CGB5: variants seen among roughly 807,000 people sequenced by gnomAD.
CGB5 encodes the protein chorionic gonadotropin subunit beta 5.
Under a neutral mutation model 7.6 loss-of-function variants are expected in CGB5, and 2 were observed. The observed-to-expected ratio is 0.26, with a 90% CI of 0.11 to 0.83. The LOEUF (loss-of-function observed/expected upper bound fraction) is 0.83, where lower values mean the gene tolerates loss of function less well. CGB5 is among the 40% of genes least tolerant of loss of function. CGB5 has a pLI of 0.65. For synonymous variants in CGB5, 25 were observed against 99.8 expected, an observed-to-expected ratio of 0.25 and a Z score of 4.47; for missense variants, 48 against 228.2, an observed-to-expected ratio of 0.21 and a Z score of 5.09.
rs184839528 is a variant in CGB5 at position 49,045,297 on chromosome 19, G to T, written c.*3G>T. On this transcript the variant is annotated 3_prime_UTR_variant, in exon 3 of 3. Transcript: ENST00000301408. ...ACACCCCGATCCTCCCACAATAAAG[G>T]CTTCTCAATCCGCACTCTGGAGGTG... is the stretch of plus-strand genomic sequence containing the variant. 3.0e-3 allele frequency: 4,823 copies of T among 1,610,904 alleles called. 118 individuals carry two copies. The African/African-American group carries it at 0.056, about 19-fold the overall frequency.
At position 49,045,276 on chromosome 19, in the gene CGB5, C is replaced by A. The variant is rs906106914; in HGVS notation, c.480C>A (p.Thr160=). 3.7e-6 allele frequency: 6 copies of A among 1,609,572 alleles called. No individual in the cohort carries two copies. Among genetic ancestry groups the A allele is most frequent in the Non-Finnish European group, 5.1e-6 (6 of 1,178,892 alleles). ...SPSRLPGPSD[T]PILPQ ...CCCGACTCCCGGGGCCCTCGGACAC[C>A]CCGATCCTCCCACAATAAAGGCTTC... is the stretch of plus-strand genomic sequence containing the variant. Residue 160 remains threonine, a synonymous_variant, in exon 3 of 3, where the codon ACC becomes ACA. Transcript: ENST00000301408.
intron 1 of CGB5, 125 bp downstream of exon 1, chr19:49,044,349 C>G (rs948784850): frequency 3.7e-6 from 6 of 1,604,612 alleles, no homozygotes; most frequent in South Asian, 2.2e-5. Flanking sequence ...CCCCAGTAAG[C>G]TTCAGGTGGG....
chr19:49,044,377 G>T (rs187967583), intron 1 of CGB5, 153 bp downstream of exon 1: 15 of 983,096 alleles, frequency 1.5e-5, no homozygotes, highest in Non-Finnish European at 1.7e-5. Context: ...CTAAGGGTGG[G>T]GATCTGAAAT....
Position 49,044,168 on chromosome 19 carries a change from G to C in CGB5, c.-42G>C. On this transcript the variant is annotated 5_prime_UTR_variant, in exon 1 of 3. Coordinates refer to ENST00000301408, the MANE Select transcript of CGB5 (RefSeq NM_033043.2). ...GTGGCCTTGCCGCCCCCACAACCCC[G>C]AGGTATAAAGCCAGGTACACGAGGC... is the stretch of plus-strand genomic sequence containing the variant. The C allele has an allele frequency of 6.2e-7, 1 of 1,613,788 alleles. No individual in the cohort carries two copies. The highest frequency in any genetic ancestry group is 8.5e-7 in the Non-Finnish European group (1 of 1,179,864).
intron 2 of CGB5, 54 bp from the exon 3 acceptor site, chr19:49,044,926 G>C (rs1240875816): frequency 1.3e-6 from 2 of 1,591,900 alleles, no homozygotes; most frequent in Non-Finnish European, 1.7e-6. Context: ...GGGGAGCTCA[G>C]CTGAGGCGCT....
At position 49,045,168 on chromosome 19, in the gene CGB5, G is replaced by A. The variant is rs1469787056; in HGVS notation, c.372G>A (p.Lys124=). Residue 124 remains lysine (K), a synonymous_variant, in exon 3 of 3, where the codon AAG becomes AAA. Coordinates refer to ENST00000301408, the MANE Select transcript of CGB5 (RefSeq NM_033043.2). Reference sequence around the variant, plus strand: ...GCACCACTGACTGCGGGGGTCCCAAGGACCACCCCTTGACCTGTGATGACC... The same window carrying A: ...GCACCACTGACTGCGGGGGTCCCAAAGACCACCCCTTGACCTGTGATGACC... The part of the protein sequence containing the change: ...RRSTTDCGGP[K]DHPLTCDDPR... The A allele has an allele frequency of 1.9e-6, 3 of 1,556,334 alleles. No homozygotes were observed. Among genetic ancestry groups the A allele is most frequent in the Non-Finnish European group, 2.6e-6 (3 of 1,148,216 alleles).
intron 2 of CGB5, 100 bp downstream of exon 2, chr19:49,044,844 C>T (rs1340764651): frequency 1.1e-5 from 12 of 1,046,000 alleles, no homozygotes; most frequent in East Asian, 1.0e-4. Context: ...TCAGGGGCTG[C>T]GGAATGGGGT....
At chr19:49,044,903 TG>T (rs1321048223) in intron 2 of CGB5, 76 bp from the exon 3 acceptor site, 2 of 1,590,070 alleles carry the variant, frequency 1.3e-6, no homozygotes, top group Admixed American at 3.3e-5. Context: ...GTCTGAGACC[TG>T]TGGGGGCAAC....
Position 49,044,208 on chromosome 19 carries a change from G to A in CGB5, c.-2G>A, listed in dbSNP as rs142628262. 1,974 of 1,613,504 alleles carry A rather than the reference G, an allele frequency of 1.2e-3. 30 individuals carry two copies. The African/African-American group carries it at 0.021, about 17-fold the overall frequency. The stretch of plus-strand genomic sequence containing the variant: ...GTACACGAGGCAGGGGACGCACCAA[G>A]GATGGAGATGTTCCAGGTAAGACTG... On this transcript the variant is annotated 5_prime_UTR_variant, in exon 1 of 3. Coordinates refer to ENST00000301408, the MANE Select transcript of CGB5 (RefSeq NM_033043.2).
intron 1 of CGB5, 161 bp downstream of exon 1, chr19:49,044,385 A>G (rs1226124742): frequency 1.0e-6 from 1 of 982,528 alleles, no homozygotes; most frequent in Non-Finnish European, 1.2e-6. Context: ...GGGGATCTGA[A>G]ATTTTGGGGC....
rs897635111 is a variant in CGB5 at position 49,044,376 on chromosome 19, G to T, written c.15+152G>T. ...TCAGGTGGGGCAGTTCCTAAGGGTGGGGATCTGAAATTTTGGGGCATCTCA... is the reference window on the plus strand; with the variant it reads ...TCAGGTGGGGCAGTTCCTAAGGGTGTGGATCTGAAATTTTGGGGCATCTCA... On this transcript the variant is annotated intron_variant, in intron 1 of 2. Transcript: ENST00000301408. 8.7e-6 allele frequency: 14 copies of T among 1,600,770 alleles called. 1 individual carries two copies. The highest frequency in any genetic ancestry group is 1.2e-5 in the Non-Finnish European group (14 of 1,174,952).
chr19:49,044,382 T>A lies in CGB5; in HGVS notation c.15+158T>A, dbSNP rs374333353. On this transcript the variant is annotated intron_variant, in intron 1 of 2. Coordinates refer to ENST00000301408, the MANE Select transcript of CGB5 (RefSeq NM_033043.2). ...GGGGCAGTTCCTAAGGGTGGGGATC[T>A]GAAATTTTGGGGCATCTCAGGTCCT... The A allele has an allele frequency of 2.2e-5, 22 of 982,832 alleles. No individual in the cohort carries two copies. In the East Asian group the frequency reaches 9.1e-4, roughly 41 times the overall value. The allele number at this position is 982,832 out of a possible 1,614,324, so 60.9% of individuals were successfully genotyped here. A position where few individuals can be genotyped will look rare whatever the true frequency, so the allele number is the denominator to read the frequency against.
At position 49,044,079 on chromosome 19, in the gene CGB5, T is replaced by C; in HGVS notation, c.-131T>C. The C allele has an allele frequency of 9.7e-6, 15 of 1,542,838 alleles. No individual in the cohort carries two copies. The highest frequency in any genetic ancestry group is 1.2e-5 in the Non-Finnish European group (14 of 1,121,694). On this transcript the variant is annotated 5_prime_UTR_variant, in exon 1 of 3. Transcript: ENST00000301408. Reference sequence around the variant, plus strand: ...GAGCCACTCCTGCGCCCCCCTGGCCTTGTCTACCTCTTGCCCCCCGAAGGG... The same window carrying C: ...GAGCCACTCCTGCGCCCCCCTGGCCCTGTCTACCTCTTGCCCCCCGAAGGG...
chr19:49,044,129 C>T lies in CGB5; in HGVS notation c.-81C>T. 6.2e-7 allele frequency: 1 copy of T among 1,613,768 alleles called. No homozygotes were observed. The highest frequency in any genetic ancestry group is 2.2e-5 in the East Asian group (1 of 44,888). On this transcript the variant is annotated 5_prime_UTR_variant, in exon 1 of 3. Transcript: ENST00000301408. ...GTTAGTGTCGAGCTCACCCCAGCAT[C>T]CTACAACCTCCTGGTGGCCTTGCCG...
At position 49,044,022 on chromosome 19, in the gene CGB5, C is replaced by G; in HGVS notation, c.-188C>G. 8 of 1,156,926 alleles carry G rather than the reference C, an allele frequency of 6.9e-6. No homozygotes were observed. The highest frequency in any genetic ancestry group is 5.7e-5 in the Admixed American group (2 of 35,340). 71.7% of individuals were successfully genotyped at this position (1,156,926 alleles called of 1,614,324 possible). ...TCTCCGCCTCACCCTTGGCGCTGGA[C>G]CAGTGAGAGGAGAGGGCTGGGGCGC... On this transcript the variant is annotated 5_prime_UTR_variant, in exon 1 of 3. Transcript: ENST00000301408.
intron 1 of CGB5, 76 bp from the exon 2 acceptor site, chr19:49,044,501 T>G: frequency 1.4e-6 from 2 of 1,411,660 alleles, no homozygotes; most frequent in Non-Finnish European, 1.9e-6. Flanking sequence ...TTGTGGGTGG[T>G]GTACCACGCG....
chr19:49,044,131 T>A lies in CGB5; in HGVS notation c.-79T>A. Reference sequence around the variant, plus strand: ...TAGTGTCGAGCTCACCCCAGCATCCTACAACCTCCTGGTGGCCTTGCCGCC... The same window carrying A: ...TAGTGTCGAGCTCACCCCAGCATCCAACAACCTCCTGGTGGCCTTGCCGCC... On this transcript the variant is annotated 5_prime_UTR_variant, in exon 1 of 3. Transcript: ENST00000301408. 6.2e-7 allele frequency: 1 copy of A among 1,613,770 alleles called. No homozygotes were observed. The highest frequency in any genetic ancestry group is 8.5e-7 in the Non-Finnish European group (1 of 1,179,818).
Position 49,044,103 on chromosome 19 carries a change from G to C in CGB5, c.-107G>C, listed in dbSNP as rs1600229731. On this transcript the variant is annotated 5_prime_UTR_variant, in exon 1 of 3. Coordinates refer to ENST00000301408, the MANE Select transcript of CGB5 (RefSeq NM_033043.2). ...CTTGTCTACCTCTTGCCCCCCGAAG[G>C]GTTAGTGTCGAGCTCACCCCAGCAT... 5 of 1,609,596 alleles carry C rather than the reference G, an allele frequency of 3.1e-6. No homozygotes were observed. The highest frequency in any genetic ancestry group is 2.2e-5 in the East Asian group (1 of 44,852).
chr19:49,045,139 C>T lies in CGB5; in HGVS notation c.343C>T (p.Arg115Cys), dbSNP rs1297908516. Reference sequence around the variant, plus strand: ...CAGCTGTCAATGTGCACTCTGCCGCCGCAGCACCACTGACTGCGGGGGTCC... The same window carrying T: ...CAGCTGTCAATGTGCACTCTGCCGCTGCAGCACCACTGACTGCGGGGGTCC... ...ALSCQCALCR[R>C]STTDCGGPKD... Residue 115 changes from arginine to cysteine, a missense_variant, in exon 3 of 3, where the codon CGC becomes TGC. Physicochemically the swap from Arg to Cys is radical, Grantham distance 180 (BLOSUM62 -3). This residue lies in a region of CGB5 where 34 missense variants were observed against 145.1 expected (regional missense o/e 0.23). Transcript: ENST00000301408. The T allele has an allele frequency of 1.9e-6, 3 of 1,544,788 alleles. No individual in the cohort carries two copies. Among genetic ancestry groups the T allele is most frequent in the Admixed American group, 1.9e-5 (1 of 53,792 alleles).
Sources: allele counts gnomAD v4.1 joint callset, GRCh38; gene constraint gnomAD v4.1.1; regional missense constraint gnomAD v4.1.1; transcripts MANE v1.5; gene names NCBI Gene and HGNC (gene_info 2026-07-23, HGNC 2026-07-21).